Variants in ZMAT5 observed in about 807,000 individuals in gnomAD.
The protein encoded by ZMAT5 is zinc finger matrin-type 5.
A neutral mutation model predicts 28.0 loss-of-function variants in ZMAT5; 23 were observed. The observed-to-expected ratio is 0.82, with a 90% CI of 0.59 to 1.16. The LOEUF (loss-of-function observed/expected upper bound fraction) is 1.16, where lower values mean the gene tolerates loss of function less well. Among genes scored for constraint, ZMAT5 ranks in the 50% most tolerant of loss-of-function variants. The probability of loss-of-function intolerance (pLI) is 0.00; values close to 1 mark genes in which losing one functional copy is unlikely to be tolerated. For missense variants in ZMAT5, 173 were observed against 212.7 expected (o/e 0.81, Z 1.16); for synonymous variants, 76 against 84.1 (o/e 0.90, Z 0.52).
chr22:29,764,820 GGA>G (rs1224422158), intron 1 of ZMAT5, among the ~76,000 whole-genome samples: 2 of 151,924 alleles, frequency 1.3e-5, no homozygotes, highest in Non-Finnish European at 2.9e-5. Context: ...TGTTTTTCAT[GGA>G]GACGGTCTCA....
intron 5 of ZMAT5, among the ~76,000 whole-genome samples, chr22:29,736,114 T>C (rs1322739437): frequency 1.3e-5 from 2 of 152,230 alleles, no homozygotes; most frequent in Non-Finnish European, 2.9e-5. Context: ...TAGGAGATCC[T>C]GTCCAAGTAG....
rs536098302 is a variant in ZMAT5 at position 29,739,740 on chromosome 22, A to G, written c.271+910T>C. 1.2e-4 allele frequency among the ~76,000 whole-genome samples: 19 copies of G among 152,376 alleles called. No homozygotes were observed. The East Asian group carries it at 3.1e-3, about 25-fold the overall frequency. On this transcript the variant is annotated intron_variant, in intron 4 of 5. Transcript: ENST00000344318. Reference sequence around the variant, plus strand: ...AAGAGCTGCAGCTGCCGCTGCTGCCAGGACTTGCTGGCCAGTCCCACAAGG... The same window carrying G: ...AAGAGCTGCAGCTGCCGCTGCTGCCGGGACTTGCTGGCCAGTCCCACAAGG...
chr22:29,737,748 C>T (rs972097172), intron 5 of ZMAT5, among the ~76,000 whole-genome samples: 19 of 152,080 alleles, frequency 1.2e-4, no homozygotes, highest in Non-Finnish European at 2.4e-4. Flanking sequence ...CGAGGCCCTT[C>T]CCTCAAAGAG....
rs1275734316 is a variant in ZMAT5 at position 29,742,467 on chromosome 22, G to C, written c.141C>G (p.Ile47Met). ...WYDMFRDAAAILLDEQNKRPC... is the reference protein window; with the variant it reads ...WYDMFRDAAAMLLDEQNKRPC... Reference sequence around the variant, plus strand: ...GCCGCTTGTTCTGCTCATCCAGCAAGATGGCAGCTGCATCTGCGAGAGAAG... The same window carrying C: ...GCCGCTTGTTCTGCTCATCCAGCAACATGGCAGCTGCATCTGCGAGAGAAG... Residue 47 changes from isoleucine to methionine, a missense_variant, in exon 3 of 6, where the codon ATC becomes ATG. Transcript: ENST00000344318. 2 of 1,612,786 alleles carry C rather than the reference G, an allele frequency of 1.2e-6. No homozygotes were observed. The highest frequency in any genetic ancestry group is 2.7e-5 in the African/African-American group (2 of 74,940).
intron 2 of ZMAT5, 35 bp downstream of exon 2, chr22:29,748,383 C>G (rs1376373995): frequency 1.2e-6 from 2 of 1,613,864 alleles, no homozygotes; most frequent in Admixed American, 1.7e-5. Flanking sequence ...GAGAGCAGGG[C>G]TCCAGGAGCC....
At position 29,731,164 on chromosome 22, in the gene ZMAT5, G is replaced by T; in HGVS notation, c.*61C>A. ...ATGGGGCGTAGCAGGAACCGGGCTTGGCTTCCTATTGTGACTGATGAGAAA... is the reference window on the plus strand; with the variant it reads ...ATGGGGCGTAGCAGGAACCGGGCTTTGCTTCCTATTGTGACTGATGAGAAA... On this transcript the variant is annotated 3_prime_UTR_variant, in exon 6 of 6. Coordinates refer to ENST00000344318, the MANE Select transcript of ZMAT5 (RefSeq NM_001003692.2). 7.0e-7 allele frequency: 1 copy of T among 1,435,588 alleles called. No homozygotes were observed. The highest frequency in any genetic ancestry group is 1.6e-5 in the South Asian group (1 of 61,234). The allele number at this position is 1,435,588 out of a possible 1,614,324, so 88.9% of individuals were successfully genotyped here.
At chr22:29,755,417 AAAG>A (rs1052109307) in intron 1 of ZMAT5, among the ~76,000 whole-genome samples, 1 of 148,614 alleles carries the variant, frequency 6.7e-6, no homozygotes, top group African/African-American at 2.6e-5. Flanking sequence ...AAAAGAAAGG[AAAG>A]AAAGAAAGAA....
intron 5 of ZMAT5, among the ~76,000 whole-genome samples, chr22:29,733,365 A>T (rs2067871933): frequency 6.6e-6 from 1 of 152,190 alleles, no homozygotes; most frequent in South Asian, 2.1e-4. Flanking sequence ...AGCCGGGGTC[A>T]GGAGCCCTGG....
intron 2 of ZMAT5, 37 bp downstream of exon 2, chr22:29,748,381 G>C: frequency 6.2e-7 from 1 of 1,613,946 alleles, no homozygotes; most frequent in South Asian, 1.1e-5. Flanking sequence ...CAGAGAGCAG[G>C]GCTCCAGGAG....
intron 1 of ZMAT5, among the ~76,000 whole-genome samples, chr22:29,761,895 G>A (rs1050499344): frequency 6.6e-6 from 1 of 152,056 alleles, no homozygotes; most frequent in Non-Finnish European, 1.5e-5. Context: ...GTTACTAAGG[G>A]GCCCCCCATA....
chr22:29,761,437 A>C (rs1280092896), intron 1 of ZMAT5, among the ~76,000 whole-genome samples: 1 of 152,016 alleles, frequency 6.6e-6, no homozygotes, highest in Admixed American at 6.6e-5. Flanking sequence ...AAAATTAGCC[A>C]GACATGGTGG....
intron 5 of ZMAT5, among the ~76,000 whole-genome samples, chr22:29,732,599 G>A (rs1365217787): frequency 6.6e-6 from 1 of 152,044 alleles, no homozygotes; most frequent in Non-Finnish European, 1.5e-5. Flanking sequence ...AATTAGCCGG[G>A]TGTGGTGGGG....
At position 29,731,123 on chromosome 22, in the gene ZMAT5, T is replaced by C. The variant is rs1262356760; in HGVS notation, c.*102A>G. On this transcript the variant is annotated 3_prime_UTR_variant, in exon 6 of 6. Transcript: ENST00000344318. The stretch of plus-strand genomic sequence containing the variant: ...CTGAGCCTCAGTGAGGCTGGGCAGA[T>C]GGTCTCGGAGCCTCCATGGGGCGTA... 2 of 1,280,952 alleles carry C rather than the reference T, an allele frequency of 1.6e-6. No homozygotes were observed. The highest frequency in any genetic ancestry group is 1.6e-5 in the African/African-American group (1 of 64,284). 79.3% of individuals were successfully genotyped at this position (1,280,952 alleles called of 1,614,324 possible).
chr22:29,740,192 G>A (rs1462495517), intron 4 of ZMAT5, among the ~76,000 whole-genome samples: 1 of 152,158 alleles, frequency 6.6e-6, no homozygotes. Context: ...CATGGAAGCT[G>A]AACTTGCCCC....
At chr22:29,753,771 G>A (rs2068075511) in intron 1 of ZMAT5, among the ~76,000 whole-genome samples, 1 of 152,104 alleles carries the variant, frequency 6.6e-6, no homozygotes. Flanking sequence ...GGGTGAGGGG[G>A]CACACATTCT....
chr22:29,735,761 T>G (rs1408447904), intron 5 of ZMAT5, among the ~76,000 whole-genome samples: 4 of 152,192 alleles, frequency 2.6e-5, no homozygotes, highest in Admixed American at 2.6e-4. Context: ...TCAATTCTCA[T>G]ATGGTCACCA....
chr22:29,745,985 T>A (rs531778866), intron 2 of ZMAT5, among the ~76,000 whole-genome samples: 65 of 152,278 alleles, frequency 4.3e-4, no homozygotes, highest in African/African-American at 1.3e-3. Flanking sequence ...TTATTTATTT[T>A]TTTTTGAGAC....
At position 29,766,899 on chromosome 22, in the gene ZMAT5, T is replaced by G. The variant is rs980572692; in HGVS notation, c.-55A>C. The G allele has an allele frequency of 6.5e-6, 1 of 154,484 alleles. No individual in the cohort carries two copies. The highest frequency in any genetic ancestry group is 1.4e-5 in the Non-Finnish European group (1 of 69,044). 9.6% of individuals were successfully genotyped at this position (154,484 alleles called of 1,614,324 possible). A position where few individuals can be genotyped will look rare whatever the true frequency, so the allele number is the denominator to read the frequency against. On this transcript the variant is annotated 5_prime_UTR_variant, in exon 1 of 6. Coordinates refer to ENST00000344318, the MANE Select transcript of ZMAT5 (RefSeq NM_001003692.2). Reference sequence around the variant, plus strand: ...AGAAGGAAGTGTTCAAGTCTTCCAGTGCGGAGAAAAGAGACTAGGACTCGC... The same window carrying G: ...AGAAGGAAGTGTTCAAGTCTTCCAGGGCGGAGAAAAGAGACTAGGACTCGC...
intron 1 of ZMAT5, among the ~76,000 whole-genome samples, chr22:29,759,680 G>A (rs994401526): frequency 5.3e-5 from 8 of 152,090 alleles, no homozygotes; most frequent in African/African-American, 1.2e-4. Flanking sequence ...TAAGATGGGA[G>A]GATCACTGGA....
Sources: allele counts gnomAD v4.1 joint callset (sites outside exome capture counted in the v4.1 genomes callset), GRCh38; gene constraint gnomAD v4.1.1; transcripts MANE v1.5; gene names NCBI Gene and HGNC (gene_info 2026-07-23, HGNC 2026-07-21).